CNTNAP5: variants seen among roughly 807,000 people sequenced by gnomAD.
CNTNAP5 encodes contactin associated protein family member 5.
In CNTNAP5, 72 loss-of-function variants were observed where a neutral mutation model predicts 150.2. That is an observed-to-expected ratio of 0.48 (90% CI 0.40 to 0.58). The LOEUF (loss-of-function observed/expected upper bound fraction) is 0.58, where lower values mean the gene tolerates loss of function less well. CNTNAP5 is among the 20% of genes least tolerant of loss of function. The pLI is 0.00. For missense variants in CNTNAP5, 1,636 were observed against 1,626.2 expected, an observed-to-expected ratio of 1.01 and a Z score of -0.10; for synonymous variants, 672 against 619.8, an observed-to-expected ratio of 1.08 and a Z score of -1.25.
intron 1 of CNTNAP5, among the ~76,000 whole-genome samples, chr2:124,184,653 T>C (rs943807236): frequency 7.9e-5 from 12 of 152,192 alleles, no homozygotes; most frequent in African/African-American, 2.9e-4. Context: ...ATTCACCCTT[T>C]GAGTCACAAT....
intron 1 of CNTNAP5, among the ~76,000 whole-genome samples, chr2:124,175,638 C>T (rs1685047450): frequency 6.6e-6 from 1 of 152,064 alleles, no homozygotes; most frequent in Non-Finnish European, 1.5e-5. Flanking sequence ...TTATGGACAC[C>T]ACACCCAATG....
rs372260231 is a variant in CNTNAP5 at position 124,764,136 on chromosome 2, T to C, written c.2522T>C (p.Leu841Pro). ...ENLGIKDFIR[L>P]EISSPSEITF... The stretch of plus-strand genomic sequence containing the variant: ...CTTGGCATTAAAGACTTCATTCGAC[T>C]CGAAATAAGCTGTAAGTGCCCTCAA... The change falls in exon 16 of 24, where the codon CTC becomes CCC. Residue 841 changes from leucine (L) to proline (P), a missense_variant. Coordinates refer to ENST00000682447, the MANE Select transcript of CNTNAP5 (RefSeq NM_001367498.1). The C allele has an allele frequency of 3.7e-6, 6 of 1,612,218 alleles. No individual in the cohort carries two copies. Among genetic ancestry groups the C allele is most frequent in the Non-Finnish European group, 5.1e-6 (6 of 1,178,580 alleles).
At chr2:124,811,706 C>CGGGG (rs70999221) in intron 19 of CNTNAP5, among the ~76,000 whole-genome samples, 2,491 of 136,108 alleles carry the variant, frequency 0.018, 61 homozygotes, top group Middle Eastern at 0.094. Flanking sequence ...CTTTAGGAGG[C>CGGGG]GGGGGGGGTG....
chr2:124,783,354 T>G (rs539432679), intron 17 of CNTNAP5, among the ~76,000 whole-genome samples: 3 of 152,290 alleles, frequency 2.0e-5, no homozygotes, highest in Non-Finnish European at 4.4e-5. Flanking sequence ...CATATAGAAT[T>G]ACCATGACTT....
chr2:124,760,296 A>G (rs2105160744), intron 14 of CNTNAP5, among the ~76,000 whole-genome samples: 1 of 152,120 alleles, frequency 6.6e-6, no homozygotes, highest in East Asian at 1.9e-4. Context: ...AGTGACTGAA[A>G]GAGGAAAGGA....
At chr2:124,573,297 G>C (rs944853538) in intron 11 of CNTNAP5, among the ~76,000 whole-genome samples, 11 of 152,178 alleles carry the variant, frequency 7.2e-5, no homozygotes, top group Middle Eastern at 3.2e-3. Flanking sequence ...TCAGTGATTT[G>C]AGAGTTTCCC....
chr2:124,716,549 A>G (rs115825522), intron 13 of CNTNAP5, among the ~76,000 whole-genome samples: 6,584 of 151,968 alleles, frequency 0.043, 510 homozygotes, highest in African/African-American at 0.15. Flanking sequence ...ATCAATGTTT[A>G]TTGTTTTTAA....
intron 1 of CNTNAP5, among the ~76,000 whole-genome samples, chr2:124,095,335 G>A (rs1010617374): frequency 1.3e-5 from 2 of 152,082 alleles, no homozygotes; most frequent in African/African-American, 4.8e-5. Flanking sequence ...CACACACTGG[G>A]GCCTGTCATG....
At chr2:124,520,789 C>G (rs142012377) in intron 8 of CNTNAP5, among the ~76,000 whole-genome samples, 1 of 152,088 alleles carries the variant, frequency 6.6e-6, no homozygotes, top group African/African-American at 2.4e-5. Flanking sequence ...TCATTGGACA[C>G]GTCTATTCTT....
intron 1 of CNTNAP5, among the ~76,000 whole-genome samples, chr2:124,153,765 A>T (rs1424382326): frequency 6.6e-6 from 1 of 151,396 alleles, no homozygotes; most frequent in Non-Finnish European, 1.5e-5. Flanking sequence ...GTATGCCACC[A>T]CACCCCGCTA....
At chr2:124,182,205 T>C (rs1480484474) in intron 1 of CNTNAP5, among the ~76,000 whole-genome samples, 1 of 152,204 alleles carries the variant, frequency 6.6e-6, no homozygotes, top group Non-Finnish European at 1.5e-5. Flanking sequence ...GAAAACTATA[T>C]ATGTGTCCGT....
chr2:124,648,386 G>A (rs1558719279), intron 13 of CNTNAP5, among the ~76,000 whole-genome samples: 1 of 152,146 alleles, frequency 6.6e-6, no homozygotes, highest in Non-Finnish European at 1.5e-5. Context: ...TATGTCTGGG[G>A]TGGAGGATGC....
chr2:124,504,703 ATTT>A (rs34518488), intron 8 of CNTNAP5, 147 bp downstream of exon 8: 15,688 of 364,162 alleles, frequency 0.043, no homozygotes, highest in East Asian at 0.081. Context: ...AAGAGGCAGC[ATTT>A]TTTTTTTTTT....
intron 1 of CNTNAP5, among the ~76,000 whole-genome samples, chr2:124,186,437 T>C (rs950795385): frequency 6.6e-6 from 1 of 152,228 alleles, no homozygotes; most frequent in African/African-American, 2.4e-5. Context: ...GCCTATATAA[T>C]GTTATGTATA....
At position 124,151,712 on chromosome 2, in the gene CNTNAP5, G is replaced by A. The variant is rs115959380; in HGVS notation, c.83-69993G>A. On this transcript the variant is annotated intron_variant, in intron 1 of 23. Coordinates refer to ENST00000682447, the MANE Select transcript of CNTNAP5 (RefSeq NM_001367498.1). Reference sequence around the variant, plus strand: ...GGACCTAGCTCTATGGAGTTGTCTCGTGTAAAGATAATTCACCCCTGTCTC... The same window carrying A: ...GGACCTAGCTCTATGGAGTTGTCTCATGTAAAGATAATTCACCCCTGTCTC... Among the ~76,000 whole-genome samples, 1,022 of 152,262 alleles carry A rather than the reference G, an allele frequency of 6.7e-3. 12 individuals are homozygous for A. The highest frequency in any genetic ancestry group is 0.023 in the African/African-American group (970 of 41,544).
At chr2:124,632,706 GA>G (rs35334854) in intron 12 of CNTNAP5, among the ~76,000 whole-genome samples, 64,410 of 148,850 alleles carry the variant, frequency 0.43, 15,555 homozygotes, top group Non-Finnish European at 0.56. Flanking sequence ...CCTGTAACTT[GA>G]AAAAAAAAAC....
intron 3 of CNTNAP5, among the ~76,000 whole-genome samples, chr2:124,295,162 T>A (rs1329470310): frequency 6.7e-6 from 1 of 149,160 alleles, no homozygotes; most frequent in African/African-American, 2.5e-5. Flanking sequence ...ACAGACAAAC[T>A]AGAGAAGAGG....
intron 13 of CNTNAP5, among the ~76,000 whole-genome samples, chr2:124,706,758 G>GAAGAAT (rs1679649191): frequency 4.0e-5 from 1 of 24,938 alleles, no homozygotes; most frequent in Admixed American, 4.1e-4. Flanking sequence ...AGAAGAAGAA[G>GAAGAAT]AAGAAGAAGA....
At chr2:124,740,951 C>T (rs566535698) in intron 13 of CNTNAP5, among the ~76,000 whole-genome samples, 1 of 152,280 alleles carries the variant, frequency 6.6e-6, no homozygotes, top group East Asian at 1.9e-4. Flanking sequence ...TTTCTGCACA[C>T]ATTCCATGGA....
Sources: gnomAD v4.1 joint callset for allele counts (sites outside exome capture counted in the v4.1 genomes callset) on GRCh38, gnomAD v4.1.1 for gene constraint, MANE v1.5 for transcripts, NCBI Gene and HGNC (gene_info 2026-07-23, HGNC 2026-07-21) for gene names.